The following FAF1 variants were observed in gnomAD, a reference collection of about 807,000 sequenced individuals.
FAF1 encodes FAS-associated factor 1.
FAF1 carries 25 observed loss-of-function variants against 92.5 expected under a neutral mutation model. The ratio of observed to expected loss-of-function variants is 0.27; its 90% CI spans 0.20 to 0.38. The LOEUF is 0.38. Among genes scored for constraint, FAF1 ranks in the 10% least tolerant of loss-of-function variants. The pLI is 1.00. For missense variants in FAF1, 636 were observed against 793.3 expected (o/e 0.80, Z 2.38); for synonymous variants, 234 against 273.2 (o/e 0.86, Z 1.42).
intron 7 of FAF1, among the ~76,000 whole-genome samples, chr1:50,695,158 A>G (rs1253906815): frequency 6.6e-6 from 1 of 152,100 alleles, no homozygotes; most frequent in Non-Finnish European, 1.5e-5. Context: ...CTGTAATCCC[A>G]GCACTTTGGG....
chr1:50,623,064 G>T (rs1653286746), intron 8 of FAF1, among the ~76,000 whole-genome samples: 1 of 152,024 alleles, frequency 6.6e-6, no homozygotes, highest in Admixed American at 6.5e-5. Context: ...GTTCTCACCG[G>T]TTCCCAACTT....
At chr1:50,621,783 T>C (rs994841350) in intron 8 of FAF1, among the ~76,000 whole-genome samples, 5 of 152,122 alleles carry the variant, frequency 3.3e-5, no homozygotes, top group African/African-American at 1.2e-4. Flanking sequence ...GGTGGGTGTC[T>C]ATGGCTAATC....
intron 1 of FAF1, among the ~76,000 whole-genome samples, chr1:50,951,624 C>CA (rs1403316928): frequency 6.6e-6 from 1 of 152,116 alleles, no homozygotes; most frequent in Non-Finnish European, 1.5e-5. Flanking sequence ...ATTCTACATG[C>CA]AAAAACCTTA....
At position 50,584,752 on chromosome 1, in the gene FAF1, T is replaced by G; in HGVS notation, c.900A>C (p.Thr300=). 38 of 1,613,704 alleles carry G rather than the reference T, an allele frequency of 2.4e-5. No individual in the cohort carries two copies. Among genetic ancestry groups the G allele is most frequent in the Non-Finnish European group, 3.2e-5 (38 of 1,179,710 alleles). The part of the protein sequence containing the change: ...DSDGDDFEDA[T]EFGVDDGEVF... ...CTTCTCCATCATCCACCCCAAATTC[T>G]GTAGCATCTTCAAAGTCATCTCCAT... The change falls in exon 10 of 19, where the codon ACA becomes ACC. Residue 300 remains threonine (T), a synonymous_variant. Transcript: ENST00000396153.
chr1:50,775,163 T>C (rs999312170), intron 4 of FAF1, among the ~76,000 whole-genome samples: 12 of 152,240 alleles, frequency 7.9e-5, no homozygotes, highest in African/African-American at 2.6e-4. Flanking sequence ...AATAATTCTA[T>C]TGCTGGTCAC....
chr1:50,582,333 G>T (rs1419401206), intron 12 of FAF1: 5 of 329,386 alleles, frequency 1.5e-5, no homozygotes, highest in African/African-American at 2.1e-5. Flanking sequence ...TGGGTATCTT[G>T]GTGAAGACTA....
chr1:50,841,999 C>G (rs1208936547), intron 2 of FAF1, among the ~76,000 whole-genome samples: 2 of 152,044 alleles, frequency 1.3e-5, no homozygotes, highest in East Asian at 3.9e-4. Context: ...GAGTTTTGGA[C>G]TCTGTTACAC....
intron 8 of FAF1, among the ~76,000 whole-genome samples, chr1:50,602,655 A>C (rs994478659): frequency 2.6e-5 from 4 of 151,922 alleles, no homozygotes; most frequent in Admixed American, 6.6e-5. Context: ...GGTGCATGCC[A>C]CCAAGTCCGG....
At chr1:50,837,889 G>C (rs1234992817) in intron 2 of FAF1, among the ~76,000 whole-genome samples, 4 of 151,956 alleles carry the variant, frequency 2.6e-5, no homozygotes, top group African/African-American at 4.8e-5. Context: ...GACTACAGGC[G>C]TGTGACACCA....
intron 2 of FAF1, among the ~76,000 whole-genome samples, chr1:50,830,014 G>T (rs1238625838): frequency 6.6e-6 from 1 of 152,208 alleles, no homozygotes; most frequent in Non-Finnish European, 1.5e-5. Flanking sequence ...TGATGGAAGA[G>T]AACTGCATCT....
At chr1:50,598,338 C>T (rs927065136) in intron 8 of FAF1, among the ~76,000 whole-genome samples, 28 of 151,212 alleles carry the variant, frequency 1.9e-4, no homozygotes, top group Admixed American at 1.8e-3. Flanking sequence ...TGGAACACAC[C>T]CATAGTCCAG....
intron 6 of FAF1, among the ~76,000 whole-genome samples, chr1:50,715,180 A>G (rs1458417922): frequency 6.6e-6 from 1 of 152,232 alleles, no homozygotes. Flanking sequence ...CTGGGGCTCC[A>G]GTGTTATTTG....
chr1:50,547,602 C>G (rs1649093090), intron 13 of FAF1, among the ~76,000 whole-genome samples: 1 of 151,948 alleles, frequency 6.6e-6, no homozygotes, highest in African/African-American at 2.4e-5. Context: ...TTAGTAGAGA[C>G]AGGGTTTCTC....
At chr1:50,655,353 T>A in intron 8 of FAF1, 89 bp downstream of exon 8, 2 of 879,174 alleles carry the variant, frequency 2.3e-6, no homozygotes, top group South Asian at 1.3e-5. Flanking sequence ...ACTCAAAGCA[T>A]TTAATTGTGC....
At chr1:50,493,050 T>TTTTTTA (rs1646859085) in intron 15 of FAF1, among the ~76,000 whole-genome samples, 1 of 151,380 alleles carries the variant, frequency 6.6e-6, no homozygotes, top group African/African-American at 2.4e-5. Flanking sequence ...TTTTTTTTTT[T>TTTTTTA]GAGGGGGAGT....
intron 6 of FAF1, among the ~76,000 whole-genome samples, chr1:50,719,749 C>A (rs772292226): frequency 1.3e-5 from 2 of 152,122 alleles, no homozygotes; most frequent in Non-Finnish European, 2.9e-5. Flanking sequence ...AGAGTAGTGA[C>A]CAAGTTTCTG....
At chr1:50,679,263 T>G (rs1656314939) in intron 7 of FAF1, among the ~76,000 whole-genome samples, 1 of 151,816 alleles carries the variant, frequency 6.6e-6, no homozygotes, top group African/African-American at 2.4e-5. Context: ...CAATTTCAGC[T>G]GCTCTGCCTA....
intron 8 of FAF1, among the ~76,000 whole-genome samples, chr1:50,602,226 G>C (rs749369571): frequency 2.0e-5 from 3 of 152,086 alleles, no homozygotes; most frequent in Non-Finnish European, 4.4e-5. Context: ...GTTTTAAGAA[G>C]AACAATTAAT....
At chr1:50,604,516 TTTTTG>T in intron 8 of FAF1, among the ~76,000 whole-genome samples, 1 of 152,300 alleles carries the variant, frequency 6.6e-6, no homozygotes, top group African/African-American at 2.4e-5. Context: ...TTTTCTTCTT[TTTTTG>T]TTTTTTGAGA....
Sources: allele counts gnomAD v4.1 joint callset (sites outside exome capture counted in the v4.1 genomes callset), GRCh38; gene constraint gnomAD v4.1.1; transcripts MANE v1.5; gene names NCBI Gene and HGNC (gene_info 2026-07-23, HGNC 2026-07-21).